NDUFS1: variants seen among roughly 807,000 people sequenced by gnomAD.
NDUFS1 encodes the protein NADH-ubiquinone oxidoreductase 75 kDa subunit, mitochondrial.
A neutral mutation model predicts 84.4 loss-of-function variants in NDUFS1; 61 were observed. That is an observed-to-expected ratio of 0.72 (90% CI 0.59 to 0.89). NDUFS1 has a LOEUF of 0.89. Among genes scored for constraint, NDUFS1 ranks in the 40% least tolerant of loss-of-function variants. The pLI is 0.00. For synonymous variants in NDUFS1, 275 were observed against 290.0 expected (o/e 0.95, Z 0.53); for missense variants, 891 against 890.0 (o/e 1.00, Z -0.01).
At position 206,138,846 on chromosome 2, in the gene NDUFS1, T is replaced by C. The variant is rs549261778; in HGVS notation, c.1263-232A>G. Reference sequence around the variant, plus strand: ...GAAATGCTATCCAGACCAGGCGCAGTGGCTCACACCTGTAAATCCCAACAC... The same window carrying C: ...GAAATGCTATCCAGACCAGGCGCAGCGGCTCACACCTGTAAATCCCAACAC... On this transcript the variant is annotated intron_variant, in intron 12 of 18. Transcript: ENST00000233190. Among the ~76,000 whole-genome samples, 257 of 152,338 alleles carry C rather than the reference T, an allele frequency of 1.7e-3. 1 individual carries two copies. The highest frequency in any genetic ancestry group is 5.7e-3 in the African/African-American group (235 of 41,586).
chr2:206,116,432 G>A lies in NDUFS1; in HGVS notation c.*7753C>T, dbSNP rs1035320466. On this transcript the variant is annotated 3_prime_UTR_variant, in exon 19 of 19. Transcript: ENST00000233190. The stretch of plus-strand genomic sequence containing the variant: ...GCCAGGGCCTCGATAGGCAGGGCGC[G>A]GCAGGTGCCAGGACCACGTGCAGGC... 9.2e-6 allele frequency: 7 copies of A among 758,896 alleles called. No homozygotes were observed. The highest frequency in any genetic ancestry group is 6.8e-5 in the African/African-American group (2 of 29,354). 47.0% of individuals were successfully genotyped at this position (758,896 alleles called of 1,614,324 possible).
Position 206,149,801 on chromosome 2 carries a change from T to C in NDUFS1, c.261+17A>G, listed in dbSNP as rs1333914690. The C allele has an allele frequency of 6.3e-7, 1 of 1,579,688 alleles. No homozygotes were observed. Among genetic ancestry groups the C allele is most frequent in the Admixed American group, 1.7e-5 (1 of 59,920 alleles). On this transcript the variant is annotated intron_variant, in intron 4 of 18. Transcript: ENST00000233190. ...CTACCTTCTACAGCATGGTGTAGAA[T>C]TTTAGGTATCAAGTACCTTAGGGGC...
intron 12 of NDUFS1, among the ~76,000 whole-genome samples, chr2:206,139,728 C>A (rs767876213): frequency 4.7e-5 from 7 of 149,544 alleles, no homozygotes; most frequent in Admixed American, 1.3e-4. Context: ...TTTTTTTTTC[C>A]CTGTTATCCT....
Position 206,141,858 on chromosome 2 carries a change from T to C in NDUFS1, c.1262+83A>G, listed in dbSNP as rs1691973963. On this transcript the variant is annotated intron_variant, in intron 12 of 18. Coordinates refer to ENST00000233190, the MANE Select transcript of NDUFS1 (RefSeq NM_005006.7). Reference sequence around the variant, plus strand: ...TTTGGAGTCTCACTACCACTAACACTATTAGGAAGATGCCATTTTTCACAT... The same window carrying C: ...TTTGGAGTCTCACTACCACTAACACCATTAGGAAGATGCCATTTTTCACAT... 5 of 1,241,576 alleles carry C rather than the reference T, an allele frequency of 4.0e-6. No homozygotes were observed. The South Asian group carries it at 6.3e-5, about 16-fold the overall frequency. The allele number at this position is 1,241,576 out of a possible 1,614,324, so 76.9% of individuals were successfully genotyped here. A position where few individuals can be genotyped will look rare whatever the true frequency, so the allele number is the denominator to read the frequency against.
chr2:206,152,367 A>C, intron 3 of NDUFS1, 52 bp downstream of exon 3: 1 of 1,385,164 alleles, frequency 7.2e-7, no homozygotes, highest in Non-Finnish European at 1.0e-6. Flanking sequence ...ATAAATTAGT[A>C]TTTTTAAAAA....
chr2:206,159,233 G>T, intron 1 of NDUFS1, 108 bp downstream of exon 1: 1 of 1,232,606 alleles, frequency 8.1e-7, no homozygotes. Context: ...GCGGCGCCCA[G>T]TCAAGGACAA....
chr2:206,156,316 T>C (rs1482543631), intron 1 of NDUFS1, among the ~76,000 whole-genome samples: 2 of 147,326 alleles, frequency 1.4e-5, no homozygotes, highest in African/African-American at 5.0e-5. Flanking sequence ...CTCACGCCTG[T>C]AGTCTCAACA....
chr2:206,126,514 CAG>C (rs1691297864), intron 18 of NDUFS1, 23 bp downstream of exon 18: 2 of 1,607,086 alleles, frequency 1.2e-6, no homozygotes, highest in Non-Finnish European at 1.7e-6. Flanking sequence ...TCGTATTTGG[CAG>C]AGTCATGTTG....
chr2:206,134,477 T>C (rs950936870), intron 13 of NDUFS1, among the ~76,000 whole-genome samples: 9 of 151,526 alleles, frequency 5.9e-5, no homozygotes, highest in African/African-American at 1.7e-4. Context: ...CTACAAAAAA[T>C]TGGCCAGGCA....
chr2:206,147,495 A>G (rs1692198814), intron 7 of NDUFS1, 36 bp downstream of exon 7: 1 of 1,569,390 alleles, frequency 6.4e-7, no homozygotes, highest in African/African-American at 1.4e-5. Flanking sequence ...GTATACAATT[A>G]TATTCTATAA....
chr2:206,151,946 A>C (rs186368352), intron 3 of NDUFS1, among the ~76,000 whole-genome samples: 332 of 152,162 alleles, frequency 2.2e-3, no homozygotes, highest in African/African-American at 7.6e-3. Context: ...GCTCACTGCA[A>C]CCTCCGCCTC....
chr2:206,149,265 T>C (rs1432945312), intron 4 of NDUFS1, among the ~76,000 whole-genome samples, 169 bp from the exon 5 acceptor site: 1 of 152,222 alleles, frequency 6.6e-6, no homozygotes. Flanking sequence ...TTCATATTCA[T>C]AATACGATGA....
intron 8 of NDUFS1, among the ~76,000 whole-genome samples, chr2:206,146,273 G>C (rs1465656668): frequency 3.3e-5 from 5 of 152,062 alleles, no homozygotes; most frequent in Non-Finnish European, 1.5e-5. Context: ...AAAATTGAAG[G>C]GGATGTATGA....
chr2:206,139,865 T>C (rs1691866678), intron 12 of NDUFS1, among the ~76,000 whole-genome samples: 1 of 127,190 alleles, frequency 7.9e-6, no homozygotes, highest in Non-Finnish European at 1.6e-5. Flanking sequence ...AACTGGCTTG[T>C]GTTCTTAAAA....
In NDUFS1 at chr2:206,122,563, T is replaced by A. The variant is rs182927271; in HGVS notation, c.*1622A>T. On this transcript the variant is annotated 3_prime_UTR_variant, in exon 19 of 19. Transcript: ENST00000233190. ...AGAATCGCTTGAATCAGGGAGGTGG[T>A]GATTGCAGTGAGCCAAGATCATGCC... 7.5e-6 allele frequency: 1 copy of A among 132,616 alleles called. No individual in the cohort carries two copies. Among genetic ancestry groups the A allele is most frequent in the African/African-American group, 3.0e-5 (1 of 33,312 alleles). The allele number at this position is 132,616 out of a possible 1,614,324, so 8.2% of individuals were successfully genotyped here.
intron 1 of NDUFS1, 143 bp downstream of exon 1, chr2:206,159,198 G>A (rs1055573138): frequency 2.7e-6 from 4 of 1,507,866 alleles, no homozygotes; most frequent in Non-Finnish European, 3.6e-6. Context: ...GGCTCTCAGG[G>A]GCTTCCGAGG....
At chr2:206,132,143 T>C (rs1409060336) in intron 14 of NDUFS1, among the ~76,000 whole-genome samples, 1 of 151,322 alleles carries the variant, frequency 6.6e-6, no homozygotes, top group Non-Finnish European at 1.5e-5. Context: ...TAAAATAAAA[T>C]ATTACGCAGG....
chr2:206,141,055 T>A (rs886694413), intron 12 of NDUFS1, among the ~76,000 whole-genome samples: 2 of 151,910 alleles, frequency 1.3e-5, no homozygotes, highest in Non-Finnish European at 2.9e-5. Flanking sequence ...TCTTGAATTA[T>A]TTCAAAATAA....
intron 1 of NDUFS1, among the ~76,000 whole-genome samples, chr2:206,156,410 C>T (rs1440939454): frequency 2.2e-5 from 3 of 139,366 alleles, no homozygotes; most frequent in African/African-American, 7.9e-5. Context: ...CCATCTCTAC[C>T]AAAAAAAAAA....
Sources: allele counts gnomAD v4.1 joint callset (sites outside exome capture counted in the v4.1 genomes callset), GRCh38; gene constraint gnomAD v4.1.1; transcripts MANE v1.5; gene names NCBI Gene and HGNC (gene_info 2026-07-23, HGNC 2026-07-21).